The following ZMYND11 variants were observed in gnomAD, a reference collection of about 807,000 sequenced individuals.
The protein encoded by ZMYND11 is zinc finger MYND-type containing 11.
A neutral mutation model predicts 84.9 loss-of-function variants in ZMYND11; 9 were observed. That is an observed-to-expected ratio of 0.11 (90% CI 0.06 to 0.18). The LOEUF (loss-of-function observed/expected upper bound fraction) is 0.18, where lower values mean the gene tolerates loss of function less well. ZMYND11 is among the 10% of genes least tolerant of loss of function. ZMYND11 has a pLI of 1.00. For synonymous variants in ZMYND11, 250 were observed against 244.1 expected (o/e 1.02, Z -0.23); for missense variants, 409 against 761.0 (o/e 0.54, Z 5.44).
rs1253113372 is a variant in ZMYND11, at chr10:230,494, A to C, written c.439-6344A>C. 4.0e-5 allele frequency among the ~76,000 whole-genome samples: 6 copies of C among 150,846 alleles called. No individual in the cohort carries two copies. In the East Asian group the frequency reaches 5.8e-4, roughly 15 times the overall value. On this transcript the variant is annotated intron_variant, in intron 4 of 14. Transcript: ENST00000381604. ...TCTCAAAAAAAAAAAAAAAAAAAAAAAAAAAAACTACAGCCTCCAGGGTTC... is the reference window on the plus strand; with the variant it reads ...TCTCAAAAAAAAAAAAAAAAAAAAACAAAAAAACTACAGCCTCCAGGGTTC...
chr10:151,311 C>T (rs556375171), intron 1 of ZMYND11, among the ~76,000 whole-genome samples: 3 of 152,108 alleles, frequency 2.0e-5, no homozygotes, highest in African/African-American at 7.2e-5. Context: ...AAGCTAAAAA[C>T]CTTGAAAAAA....
chr10:152,564 A>C (rs529547631), intron 1 of ZMYND11, among the ~76,000 whole-genome samples: 1 of 152,226 alleles, frequency 6.6e-6, no homozygotes, highest in Non-Finnish European at 1.5e-5. Context: ...TCATAAAGCA[A>C]GTCCTTAGAG....
At chr10:207,063 C>G (rs1944322015) in intron 2 of ZMYND11, among the ~76,000 whole-genome samples, 1 of 152,194 alleles carries the variant, frequency 6.6e-6, no homozygotes, top group African/African-American at 2.4e-5. Flanking sequence ...TGTTCAATTC[C>G]CATCTATGAG....
At chr10:143,876 C>A (rs1246601284) in intron 1 of ZMYND11, among the ~76,000 whole-genome samples, 4 of 152,038 alleles carry the variant, frequency 2.6e-5, no homozygotes, top group African/African-American at 7.2e-5. Flanking sequence ...AGGTAGCTCA[C>A]GCCTGTCATC....
At chr10:176,587 C>T (rs1564321058) in intron 1 of ZMYND11, among the ~76,000 whole-genome samples, 3 of 151,968 alleles carry the variant, frequency 2.0e-5, no homozygotes, top group Non-Finnish European at 2.9e-5. Context: ...ATGAATAAGA[C>T]GTATCTTAGT....
intron 11 of ZMYND11, 61 bp downstream of exon 11, chr10:247,034 G>C: frequency 7.0e-7 from 1 of 1,435,962 alleles, no homozygotes; most frequent in Non-Finnish European, 9.6e-7. Flanking sequence ...AGAAATCTTA[G>C]TGCACACTCC....
At chr10:198,387 TA>T (rs977882546) in intron 2 of ZMYND11, among the ~76,000 whole-genome samples, 11 of 152,104 alleles carry the variant, frequency 7.2e-5, no homozygotes, top group Admixed American at 2.0e-4. Context: ...AGAACATTTT[TA>T]AAAAAAAAGT....
chr10:144,017 A>AAC (rs1479559051), intron 1 of ZMYND11, among the ~76,000 whole-genome samples: 24 of 151,924 alleles, frequency 1.6e-4, no homozygotes, highest in South Asian at 4.2e-4. Flanking sequence ...TAAAAAAAAA[A>AAC]AAAACTGCCA....
intron 1 of ZMYND11, among the ~76,000 whole-genome samples, chr10:167,751 G>T (rs879954797): frequency 1.3e-5 from 2 of 151,868 alleles, no homozygotes; most frequent in African/African-American, 4.8e-5. Context: ...TTAATACCTG[G>T]TAGTTAACCA....
chr10:188,155 A>G (rs1187293215), intron 2 of ZMYND11, among the ~76,000 whole-genome samples: 2 of 152,182 alleles, frequency 1.3e-5, no homozygotes, highest in Non-Finnish European at 2.9e-5. Context: ...TAACAGTAAT[A>G]TTAAATATTT....
upstream of ZMYND11, among the ~76,000 whole-genome samples, chr10:130,911 A>G (rs1201738094): frequency 1.3e-5 from 2 of 152,156 alleles, no homozygotes; most frequent in African/African-American, 4.8e-5. Context: ...TGAGCTCAGG[A>G]GTTCGAGACC....
intron 1 of ZMYND11, among the ~76,000 whole-genome samples, chr10:152,250 A>G (rs1425479565): frequency 6.6e-6 from 1 of 152,226 alleles, no homozygotes; most frequent in Non-Finnish European, 1.5e-5. Context: ...TAAATGCTCC[A>G]ATTAAAAGAC....
rs1952784186 is a variant in ZMYND11 at position 248,995 on chromosome 10, A to T, written c.1593A>T (p.Val531=). ...AGATGGACAGAAAATGTAAGCAAGT[A>T]AAGGAAAAGTGTAAGGAAGAATTTG... ...QGEMDRKCKQ[V]KEKCKEEFVE... is the part of the protein sequence containing the mutation. Residue 531 remains valine, a synonymous_variant, in exon 14 of 15, where the codon GTA becomes GTT. Coordinates refer to ENST00000381604, the MANE Select transcript of ZMYND11 (RefSeq NM_001370100.5). 1.9e-6 allele frequency: 3 copies of T among 1,614,106 alleles called. No individual in the cohort carries two copies. The highest frequency in any genetic ancestry group is 2.5e-6 in the Non-Finnish European group (3 of 1,180,028).
chr10:156,871 TA>T (rs1197336118), intron 1 of ZMYND11, among the ~76,000 whole-genome samples: 1 of 152,202 alleles, frequency 6.6e-6, no homozygotes, highest in Non-Finnish European at 1.5e-5. Flanking sequence ...TTCTATTACT[TA>T]CCTATTTTCA....
intron 1 of ZMYND11, among the ~76,000 whole-genome samples, chr10:174,813 A>G (rs1422442970): frequency 6.6e-6 from 1 of 151,804 alleles, no homozygotes; most frequent in Non-Finnish European, 1.5e-5. Context: ...CACGGGCACT[A>G]CAGTGGCACA....
At chr10:210,104 T>C in intron 3 of ZMYND11, 56 bp downstream of exon 3, 1 of 1,564,582 alleles carries the variant, frequency 6.4e-7, no homozygotes, top group Non-Finnish European at 8.8e-7. Context: ...TTTTAAACAT[T>C]ATTTAGATAC....
intron 3 of ZMYND11, among the ~76,000 whole-genome samples, chr10:212,753 G>A (rs751007471): frequency 6.6e-5 from 10 of 151,796 alleles, no homozygotes; most frequent in East Asian, 5.8e-4. Context: ...AACAAAAAAC[G>A]CCTGTATATA....
intron 10 of ZMYND11, 83 bp downstream of exon 10, chr10:242,222 G>T: frequency 6.6e-7 from 1 of 1,514,462 alleles, no homozygotes; most frequent in South Asian, 1.3e-5. Flanking sequence ...CATCAGAGAT[G>T]CATGAAGTTT....
chr10:215,756 C>A (rs1231780273), intron 3 of ZMYND11, among the ~76,000 whole-genome samples: 1 of 151,838 alleles, frequency 6.6e-6, no homozygotes, highest in Non-Finnish European at 1.5e-5. Context: ...CAGGGTCTTG[C>A]TATGTTGCCT....
Sources: gnomAD v4.1 joint callset for allele counts (sites outside exome capture counted in the v4.1 genomes callset) on GRCh38, gnomAD v4.1.1 for gene constraint, MANE v1.5 for transcripts, NCBI Gene and HGNC (gene_info 2026-07-23, HGNC 2026-07-21) for gene names.